Variants in NOMO3 observed in about 807,000 individuals in gnomAD.
NOMO3 encodes the protein BOS complex subunit NOMO3.
Under a neutral mutation model 69.9 loss-of-function variants are expected in NOMO3, and 15 were observed. The observed-to-expected ratio is 0.21, with a 90% CI of 0.14 to 0.33. The LOEUF (loss-of-function observed/expected upper bound fraction) is 0.33. NOMO3 is among the 10% of genes least tolerant of loss of function. The pLI, the probability that NOMO3 is intolerant of heterozygous loss-of-function variation, is 1.00. For synonymous variants in NOMO3, 89 were observed against 301.9 expected (o/e 0.29, Z 7.31); for missense variants, 218 against 761.0 (o/e 0.29, Z 8.39).
intron 2 of NOMO3, among the ~76,000 whole-genome samples, chr16:16,238,211 A>G (rs1049233985): frequency 8.9e-5 from 12 of 134,642 alleles, no homozygotes; most frequent in African/African-American, 3.7e-4. Flanking sequence ...TGCTTTCAAC[A>G]TTAGCATAGA....
intron 15 of NOMO3, chr16:16,266,665 G>A (rs2049622364): frequency 2.5e-6 from 1 of 407,772 alleles, no homozygotes; most frequent in Non-Finnish European, 4.5e-6. Flanking sequence ...GGTGGGGATT[G>A]TTCTTCTCTT....
At chr16:16,266,269 A>G (rs2049618535) in intron 15 of NOMO3, among the ~76,000 whole-genome samples, 2 of 131,670 alleles carry the variant, frequency 1.5e-5, no homozygotes, top group Non-Finnish European at 3.2e-5. Flanking sequence ...CAAAAACTCC[A>G]CAGGTCGATT....
At position 16,255,015 on chromosome 16, in the gene NOMO3, T is replaced by G. The variant is rs533115206; in HGVS notation, c.964-705T>G. 1.4e-5 allele frequency among the ~76,000 whole-genome samples: 2 copies of G among 143,290 alleles called. 1 individual carries two copies. The highest frequency in any genetic ancestry group is 4.4e-4 in the South Asian group (2 of 4,564). The allele number at this position is 143,290 out of a possible 152,430, so 94.0% of individuals were successfully genotyped here. On this transcript the variant is annotated intron_variant, in intron 9 of 30. Coordinates refer to ENST00000399336, the MANE Select transcript of NOMO3 (RefSeq NM_001004067.4). ...GCAACCTCTGCATCCCGAGTTGAAG[T>G]GATTCTCCTGCCTCAGCCTCCCGAG... is the stretch of plus-strand genomic sequence containing the variant.
chr16:16,262,812 G>A lies in NOMO3; in HGVS notation c.1396-262G>A, dbSNP rs557556675. ...TGTAAGTGAGGCGTGTCCGCGTTGC[G>A]GGCCTGTGGGGAATTAGGCCAGATA... is the stretch of plus-strand genomic sequence containing the variant. On this transcript the variant is annotated intron_variant, in intron 12 of 30. Coordinates refer to ENST00000399336, the MANE Select transcript of NOMO3 (RefSeq NM_001004067.4). Among the ~76,000 whole-genome samples the A allele has an allele frequency of 5.7e-5, 8 of 141,072 alleles. 1 individual carries two copies. Among genetic ancestry groups the A allele is most frequent in the South Asian group, 2.2e-4 (1 of 4,458 alleles). The allele number at this position is 141,072 out of a possible 152,430, so 92.5% of individuals were successfully genotyped here.
At chr16:16,264,736 T>C (rs2049594258) in intron 14 of NOMO3, among the ~76,000 whole-genome samples, 1 of 138,936 alleles carries the variant, frequency 7.2e-6, no homozygotes, top group African/African-American at 2.9e-5. Flanking sequence ...TTAGTAGAGA[T>C]GGGGTTTTGC....
At chr16:16,236,374 A>G (rs2049326981) in intron 1 of NOMO3, among the ~76,000 whole-genome samples, 1 of 141,132 alleles carries the variant, frequency 7.1e-6, no homozygotes, top group African/African-American at 2.9e-5. Flanking sequence ...CCTCCCAAGT[A>G]CCTGGGACTA....
In NOMO3 at chr16:16,252,757, C is replaced by T. The variant is rs1161980872; in HGVS notation, c.963+235C>T. On this transcript the variant is annotated intron_variant, in intron 9 of 30. Transcript: ENST00000399336. ...TATTGATTGCCAGTGACATGCATTT[C>T]AGGCACCATTCCAGGACTGGGGATA... 2.8e-4 allele frequency among the ~76,000 whole-genome samples: 26 copies of T among 94,382 alleles called. 1 individual carries two copies. The highest frequency in any genetic ancestry group is 4.2e-4 in the Non-Finnish European group (22 of 52,364). 61.9% of individuals were successfully genotyped at this position (94,382 alleles called of 152,430 possible).
At chr16:16,255,187 A>G (rs2049499914) in intron 9 of NOMO3, among the ~76,000 whole-genome samples, 1 of 141,708 alleles carries the variant, frequency 7.1e-6, no homozygotes. Flanking sequence ...TGCTGGGATT[A>G]CAGGCGTGAA....
At chr16:16,239,939 AT>A in intron 3 of NOMO3, 43 bp downstream of exon 3, 1 of 477,246 alleles carries the variant, frequency 2.1e-6, no homozygotes, top group Non-Finnish European at 3.6e-6. Flanking sequence ...AAAAGATTAG[AT>A]GATATGCCGA....
Position 16,255,720 on chromosome 16 carries a change from C to T in NOMO3, c.964C>T (p.Pro322Ser), listed in dbSNP as rs369258684. Residue 322 changes from proline to serine, a missense_variant and splice_region_variant, in exon 10 of 31, where the codon CCC becomes TCC. Pro to Ser is a moderately conservative substitution (Grantham distance 74). Coordinates refer to ENST00000399336, the MANE Select transcript of NOMO3 (RefSeq NM_001004067.4). ...CACCTTCTTGTTCTTTGTTTTCTAG[C>T]CCGTGTTCCACGTCATGGGATTCTC... Reference protein sequence around the residue: ...TVEHDSLKIEPVFHVMGFSVT... With the variant: ...TVEHDSLKIESVFHVMGFSVT... 1.3e-6 allele frequency: 2 copies of T among 1,592,100 alleles called. No homozygotes were observed. The highest frequency in any genetic ancestry group is 1.6e-5 in the African/African-American group (1 of 63,486).
intron 6 of NOMO3, among the ~76,000 whole-genome samples, chr16:16,248,094 T>TC (rs2049427118): frequency 8.6e-6 from 1 of 115,848 alleles, no homozygotes; most frequent in Non-Finnish European, 1.6e-5. Flanking sequence ...TTTTTTTTTT[T>TC]TTTTTTTTTA....
intron 2 of NOMO3, among the ~76,000 whole-genome samples, chr16:16,238,230 C>G (rs1487041669): frequency 7.4e-6 from 1 of 134,404 alleles, no homozygotes; most frequent in Non-Finnish European, 1.5e-5. Flanking sequence ...GATAGATCTA[C>G]TGACTTTTTT....
At position 16,232,799 on chromosome 16, in the gene NOMO3, T is replaced by A. The variant is rs545946379; in HGVS notation, c.133T>A (p.Ser45Thr). The change falls in exon 1 of 31, where the codon TCG becomes ACG. Residue 45 changes from serine (S) to threonine (T), a missense_variant. Ser to Thr is a moderately conservative substitution (Grantham distance 58). Transcript: ENST00000399336. ...GGTGGGCTGCGGTGGCTTCGTCAAG[T>A]CGGACGTGGAGATCAACTACTCTCT... ...IVVGCGGFVK[S>T]DVEINYSLIE... The A allele has an allele frequency of 1.9e-5, 10 of 528,798 alleles. No individual in the cohort carries two copies. Among genetic ancestry groups the A allele is most frequent in the Non-Finnish European group, 2.6e-5 (10 of 379,930 alleles). The allele number at this position is 528,798 out of a possible 1,614,324, so 32.8% of individuals were successfully genotyped here. A position where few individuals can be genotyped will look rare whatever the true frequency, so the allele number is the denominator to read the frequency against.
At position 16,262,857 on chromosome 16, in the gene NOMO3, C is replaced by T. The variant is rs1350716445; in HGVS notation, c.1396-217C>T. ...CAGATAGACTTTTGTTCATACACAT[C>T]GGTCTGTTGAGGCTAATTTTTCATC... On this transcript the variant is annotated intron_variant, in intron 12 of 30. Transcript: ENST00000399336. Among the ~76,000 whole-genome samples, 4 of 141,668 alleles carry T rather than the reference C, an allele frequency of 2.8e-5. 1 individual carries two copies. The highest frequency in any genetic ancestry group is 6.8e-5 in the Admixed American group (1 of 14,626). 92.9% of individuals were successfully genotyped at this position (141,668 alleles called of 152,430 possible). A position where few individuals can be genotyped will look rare whatever the true frequency, so the allele number is the denominator to read the frequency against.
chr16:16,250,893 ATT>A, intron 6 of NOMO3, 33 bp from the exon 7 acceptor site: 1 of 719,228 alleles, frequency 1.4e-6, no homozygotes, highest in East Asian at 3.2e-5. Flanking sequence ...GCAAGTGTTT[ATT>A]TTTTTACAGG....
chr16:16,264,818 G>A (rs1451568509), intron 14 of NOMO3, among the ~76,000 whole-genome samples: 1 of 136,260 alleles, frequency 7.3e-6, no homozygotes, highest in Non-Finnish European at 1.5e-5. Context: ...AGAGTGCTGG[G>A]ATTATAGGCA....
At position 16,232,741 on chromosome 16, in the gene NOMO3, C is replaced by T. The variant is rs1007472732; in HGVS notation, c.75C>T (p.Gly25=). 4.2e-6 allele frequency: 3 copies of T among 714,350 alleles called. No homozygotes were observed. In the African/African-American group the frequency reaches 6.7e-5, roughly 16 times the overall value. 44.3% of individuals were successfully genotyped at this position (714,350 alleles called of 1,614,324 possible). The stretch of plus-strand genomic sequence containing the variant: ...CCGCGGTGGTGCTGCTGCTGAGCGG[C>T]GTGGGGCCGGCGCACGGCTCGGAGG... ...VTAAVVLLLS[G]VGPAHGSEDI... is the part of the protein sequence containing the mutation. The change falls in exon 1 of 31, where the codon GGC becomes GGT. Residue 25 remains glycine, a synonymous_variant. Transcript: ENST00000399336.
At chr16:16,237,805 C>T (rs1245853461) in intron 2 of NOMO3, among the ~76,000 whole-genome samples, 1 of 144,616 alleles carries the variant, frequency 6.9e-6, no homozygotes, top group Non-Finnish European at 1.5e-5. Flanking sequence ...CTGCCTCAGC[C>T]TCCCAAAGTG....
chr16:16,240,574 T>G (rs1461333932), intron 3 of NOMO3, among the ~76,000 whole-genome samples: 1 of 145,088 alleles, frequency 6.9e-6, no homozygotes, highest in South Asian at 2.2e-4. Context: ...TTTCCTCATA[T>G]AACTGCCTTC....
Sources: allele counts gnomAD v4.1 joint callset (sites outside exome capture counted in the v4.1 genomes callset), GRCh38; gene constraint gnomAD v4.1.1; transcripts MANE v1.5; gene names NCBI Gene and HGNC (gene_info 2026-07-23, HGNC 2026-07-21).